Variants in PCNT observed in about 807,000 individuals in gnomAD.
PCNT encodes the protein kendrin.
A neutral mutation model predicts 380.4 loss-of-function variants in PCNT; 319 were observed. That is an observed-to-expected ratio of 0.84 (90% confidence interval 0.77 to 0.92). The LOEUF (loss-of-function observed/expected upper bound fraction) is 0.92, where lower values mean the gene tolerates loss of function less well. PCNT is among the 40% of genes least tolerant of loss of function. The pLI, the probability that PCNT is intolerant of heterozygous loss-of-function variation, is 0.00. For synonymous variants in PCNT, 1,845 were observed against 1,735.2 expected, an observed-to-expected ratio of 1.06 and a Z score of -1.57; for missense variants, 4,400 against 4,255.3, an observed-to-expected ratio of 1.03 and a Z score of -0.95.
At chr21:46,368,916 G>A (rs2085022942) in intron 15 of PCNT, among the ~76,000 whole-genome samples, 1 of 152,254 alleles carries the variant, frequency 6.6e-6, no homozygotes, top group Non-Finnish European at 1.5e-5. Context: ...CATGCCACGG[G>A]AGGGCTTCCT....
At chr21:46,414,018 G>A (rs971016417) in intron 29 of PCNT, among the ~76,000 whole-genome samples, 6 of 148,134 alleles carry the variant, frequency 4.1e-5, no homozygotes, top group East Asian at 2.0e-4. Context: ...TTGAGACAGA[G>A]TCTTGCTCTG....
At chr21:46,362,868 A>T (rs1256593455) in intron 13 of PCNT, among the ~76,000 whole-genome samples, 2 of 147,200 alleles carry the variant, frequency 1.4e-5, no homozygotes, top group African/African-American at 4.9e-5. Context: ...CCCTGTCTCA[A>T]AAAAAAAAAA....
At chr21:46,397,570 T>TA (rs1271431301) in intron 22 of PCNT, 76 bp downstream of exon 22, 4 of 1,232,392 alleles carry the variant, frequency 3.2e-6, no homozygotes, top group East Asian at 2.4e-5. Context: ...TCCAGATCGT[T>TA]ACGTAAGCTT....
At position 46,385,921 on chromosome 21, in the gene PCNT, C is replaced by T. The variant is rs774651285; in HGVS notation, c.3402C>T (p.Asn1134=). The T allele has an allele frequency of 3.7e-6, 6 of 1,614,208 alleles. No individual in the cohort carries two copies. The East Asian group carries it at 1.1e-4, about 30-fold the overall frequency. The part of the protein sequence containing the change: ...EVLQQRRERE[N]REGANLLSML... ...TGCAGCAGAGGCGGGAGCGGGAGAA[C>T]CGGGAAGGCGCAAACCTCCTCTCCA... The change falls in exon 17 of 47, where the codon AAC becomes AAT. Residue 1134 remains asparagine (N), a synonymous_variant. Coordinates refer to ENST00000359568, the MANE Select transcript of PCNT (RefSeq NM_006031.6).
chr21:46,413,994 CTT>C (rs5844268), intron 29 of PCNT, among the ~76,000 whole-genome samples: 16,844 of 138,966 alleles, frequency 0.12, 1,483 homozygotes, highest in African/African-American at 0.26. Context: ...TTTTTTCTCT[CTT>C]TTTTTTTTTT....
At chr21:46,422,301 G>A (rs1003485667) in intron 32 of PCNT, among the ~76,000 whole-genome samples, 177 bp downstream of exon 32, 1 of 152,126 alleles carries the variant, frequency 6.6e-6, no homozygotes, top group Admixed American at 6.5e-5. Flanking sequence ...CCCGGAAGCC[G>A]CCCACCCAGC....
rs749622664 is a variant in PCNT at position 46,435,878 on chromosome 21, CTCTG to C, written c.8752-22_8752-19del. The stretch of plus-strand genomic sequence containing the variant: ...TTTTGGACACTGACGTGAACGTCTT[CTCTG>C]TCTTTTTTCTGTTAACAACAGCGAG... On this transcript the variant is annotated intron_variant, in intron 38 of 46. Coordinates refer to ENST00000359568, the MANE Select transcript of PCNT (RefSeq NM_006031.6). The C allele has an allele frequency of 4.3e-6, 7 of 1,613,752 alleles. No homozygotes were observed. In the African/African-American group the frequency reaches 9.3e-5, roughly 22 times the overall value.
At chr21:46,419,500 C>T (rs1004549776) in intron 31 of PCNT, among the ~76,000 whole-genome samples, 10 of 152,376 alleles carry the variant, frequency 6.6e-5, no homozygotes, top group East Asian at 3.9e-4. Context: ...GCAGTCTGCA[C>T]GCCCTGTGCT....
At chr21:46,399,565 C>T (rs377243955) in intron 24 of PCNT, 25 bp from the exon 25 acceptor site, 31 of 1,541,278 alleles carry the variant, frequency 2.0e-5, no homozygotes, top group Non-Finnish European at 2.6e-5. Context: ...CTATTGTATT[C>T]CTCAAGCATT....
In PCNT at chr21:46,324,276, G is replaced by A. The variant is rs778757744; in HGVS notation, c.48G>A (p.Arg16=). The part of the protein sequence containing the change: ...EQRRRKVEAG[R]TKLAHFRQRK... The stretch of plus-strand genomic sequence containing the variant: ...GGCGCAGAAAGGTGGAGGCCGGGAG[G>A]ACGAAGGTAAACATTAGGGGCTTCT... Residue 16 remains arginine, a synonymous_variant, in exon 1 of 47, where the codon AGG becomes AGA. Coordinates refer to ENST00000359568, the MANE Select transcript of PCNT (RefSeq NM_006031.6). The A allele has an allele frequency of 3.5e-5, 57 of 1,610,924 alleles. No individual in the cohort carries two copies. Among genetic ancestry groups the A allele is most frequent in the Non-Finnish European group, 4.6e-5 (54 of 1,178,478 alleles).
intron 43 of PCNT, among the ~76,000 whole-genome samples, chr21:46,442,114 G>T (rs2053621535): frequency 6.6e-6 from 1 of 152,202 alleles, no homozygotes; most frequent in South Asian, 2.1e-4. Context: ...ACAGGATGAA[G>T]ATGGGAGGGT....
intron 3 of PCNT, among the ~76,000 whole-genome samples, chr21:46,340,770 A>T (rs2083890347): frequency 6.6e-6 from 1 of 152,126 alleles, no homozygotes. Flanking sequence ...CCCAGGTTCA[A>T]GTGATTCTCC....
At chr21:46,337,428 G>C (rs898626666) in intron 3 of PCNT, among the ~76,000 whole-genome samples, 2 of 152,166 alleles carry the variant, frequency 1.3e-5, no homozygotes, top group African/African-American at 4.8e-5. Flanking sequence ...AGTCACAACT[G>C]TTTTCCAAGG....
chr21:46,436,469 GGCCCCCCCCCCCC>G (rs2053455000), intron 39 of PCNT, among the ~76,000 whole-genome samples: 1 of 39,988 alleles, frequency 2.5e-5, no homozygotes, highest in African/African-American at 7.5e-5. Flanking sequence ...AGCCTCCTGT[GGCCCCCCCCCCCC>G]CCCCCCGCTG....
At chr21:46,438,042 C>A in intron 40 of PCNT, 122 bp from the exon 41 acceptor site, 2 of 817,358 alleles carry the variant, frequency 2.4e-6, no homozygotes, top group Non-Finnish European at 4.1e-6. Flanking sequence ...GCTCCACAAG[C>A]TTCTCATTGA....
intron 45 of PCNT, among the ~76,000 whole-genome samples, chr21:46,444,257 A>G (rs1312523416): frequency 6.6e-6 from 1 of 152,144 alleles, no homozygotes; most frequent in Non-Finnish European, 1.5e-5. Flanking sequence ...CCGTGAAGAT[A>G]CTTGGAAGCT....
rs564297301 is a variant in PCNT, at chr21:46,336,779, A to C, written c.639+2011A>C. On this transcript the variant is annotated intron_variant, in intron 3 of 46. Transcript: ENST00000359568. The stretch of plus-strand genomic sequence containing the variant: ...TGGGAGCTAGTCTGTGTGTACACTC[A>C]TAGCTGTATTTATGTTCATTTGTAT... Among the ~76,000 whole-genome samples, 50 of 152,204 alleles carry C rather than the reference A, an allele frequency of 3.3e-4. No homozygotes were observed. In the South Asian group the frequency reaches 0.01, roughly 32 times the overall value.
intron 3 of PCNT, among the ~76,000 whole-genome samples, chr21:46,338,059 T>C (rs1792644503): frequency 6.6e-6 from 1 of 152,106 alleles, no homozygotes; most frequent in African/African-American, 2.4e-5. Flanking sequence ...TTTATTTTTT[T>C]GTAGAGACAG....
chr21:46,419,845 A>G (rs1181346788), intron 31 of PCNT, among the ~76,000 whole-genome samples: 1 of 152,076 alleles, frequency 6.6e-6, no homozygotes, highest in Admixed American at 6.6e-5. Flanking sequence ...TACTCAAGTC[A>G]TCCTCCCACC....
Sources: allele counts gnomAD v4.1 joint callset (sites outside exome capture counted in the v4.1 genomes callset), GRCh38; gene constraint gnomAD v4.1.1; transcripts MANE v1.5; gene names NCBI Gene and HGNC (gene_info 2026-07-23, HGNC 2026-07-21).